The following ADAMTS6 variants were observed in gnomAD, a reference collection of about 807,000 sequenced individuals.
ADAMTS6 encodes the protein A disintegrin and metalloproteinase with thrombospondin motifs 6.
In ADAMTS6, 23 loss-of-function variants were observed where a neutral mutation model predicts 144.3. That is an observed-to-expected ratio of 0.16 (90% CI 0.11 to 0.23). The LOEUF (loss-of-function observed/expected upper bound fraction) is 0.23, where lower values mean the gene tolerates loss of function less well. Ranked by LOEUF, ADAMTS6 falls within the 10% of genes least tolerant of loss-of-function variation. The probability of loss-of-function intolerance (pLI) is 1.00; values close to 1 mark genes in which losing one functional copy is unlikely to be tolerated. For missense variants in ADAMTS6, 999 were observed against 1,379.6 expected, an observed-to-expected ratio of 0.72 and a Z score of 4.37; for synonymous variants, 444 against 457.5, an observed-to-expected ratio of 0.97 and a Z score of 0.38.
chr5:65,438,219 C>G (rs1757597992), intron 7 of ADAMTS6, among the ~76,000 whole-genome samples: 1 of 152,036 alleles, frequency 6.6e-6, no homozygotes, highest in Non-Finnish European at 1.5e-5. Context: ...GAGGCTTCAC[C>G]AATGCTCAGT....
intron 23 of ADAMTS6, among the ~76,000 whole-genome samples, chr5:65,172,218 T>A (rs1753675981): frequency 6.6e-6 from 1 of 150,808 alleles, no homozygotes; most frequent in Non-Finnish European, 1.5e-5. Flanking sequence ...ATCGAGACCA[T>A]CCTGGCTAAG....
At chr5:65,164,211 T>G (rs1752987629) in intron 24 of ADAMTS6, among the ~76,000 whole-genome samples, 1 of 151,680 alleles carries the variant, frequency 6.6e-6, no homozygotes, top group Non-Finnish European at 1.5e-5. Flanking sequence ...AGGCATTGCC[T>G]CACCTGGGAA....
chr5:65,431,735 A>G (rs1454410635), intron 7 of ADAMTS6, among the ~76,000 whole-genome samples: 1 of 152,120 alleles, frequency 6.6e-6, no homozygotes, highest in East Asian at 1.9e-4. Flanking sequence ...AATGAGAAAA[A>G]CTGCAGAAAC....
chr5:65,368,435 C>T (rs1750509399), intron 7 of ADAMTS6, among the ~76,000 whole-genome samples: 1 of 152,188 alleles, frequency 6.6e-6, no homozygotes, highest in African/African-American at 2.4e-5. Flanking sequence ...CCTTCCTCTA[C>T]TAAAGAGACA....
chr5:65,454,429 C>T (rs527313088), intron 4 of ADAMTS6, among the ~76,000 whole-genome samples: 1 of 152,264 alleles, frequency 6.6e-6, no homozygotes, highest in South Asian at 2.1e-4. Context: ...GACATAAACA[C>T]CACTTCTTAT....
intron 15 of ADAMTS6, among the ~76,000 whole-genome samples, chr5:65,237,704 A>G (rs1758789396): frequency 6.6e-6 from 1 of 152,250 alleles, no homozygotes. Context: ...AGATGCAAAT[A>G]TCCACAATAA....
At chr5:65,196,344 A>C (rs1335256473) in intron 21 of ADAMTS6, among the ~76,000 whole-genome samples, 1 of 151,890 alleles carries the variant, frequency 6.6e-6, no homozygotes, top group Admixed American at 6.6e-5. Flanking sequence ...AACACAGTGA[A>C]ACCCCGTCTC....
chr5:65,210,798 C>T, intron 20 of ADAMTS6: 2 of 563,632 alleles, frequency 3.5e-6, no homozygotes, highest in South Asian at 2.0e-5. Flanking sequence ...TCTCTCAACA[C>T]ATAAAGAACA....
intron 7 of ADAMTS6, among the ~76,000 whole-genome samples, chr5:65,447,559 A>G (rs1758362903): frequency 6.6e-6 from 1 of 152,090 alleles, no homozygotes; most frequent in Non-Finnish European, 1.5e-5. Context: ...TTAACTATAT[A>G]TGTACAGTTG....
chr5:65,237,419 G>GAAAATAAAATAAAATAAAATAAAAT (rs59027594), intron 15 of ADAMTS6, among the ~76,000 whole-genome samples: 2 of 139,058 alleles, frequency 1.4e-5, no homozygotes, highest in Admixed American at 7.3e-5. Context: ...AACTCCACAA[G>GAAAATAAAATAAAATAAAATAAAAT]AAAATAAAAT....
At chr5:65,261,159 T>C (rs975765535) in intron 13 of ADAMTS6, among the ~76,000 whole-genome samples, 2 of 152,134 alleles carry the variant, frequency 1.3e-5, no homozygotes, top group African/African-American at 4.8e-5. Context: ...AAGTGAATAA[T>C]GCAAAAACAA....
At chr5:65,304,795 C>T (rs1743771275) in intron 9 of ADAMTS6, among the ~76,000 whole-genome samples, 1 of 151,974 alleles carries the variant, frequency 6.6e-6, no homozygotes, top group Non-Finnish European at 1.5e-5. Flanking sequence ...TTTAGCACTA[C>T]ACCACATAAG....
At chr5:65,276,311 A>G (rs1762536825) in intron 11 of ADAMTS6, among the ~76,000 whole-genome samples, 1 of 152,186 alleles carries the variant, frequency 6.6e-6, no homozygotes. Flanking sequence ...TCTCTTTTAC[A>G]GTAAAATCAC....
chr5:65,335,862 C>A (rs1428242860), intron 7 of ADAMTS6, among the ~76,000 whole-genome samples: 1 of 151,676 alleles, frequency 6.6e-6, no homozygotes, highest in African/African-American at 2.4e-5. Context: ...ACAGACAAAA[C>A]AGTGAATACA....
intron 3 of ADAMTS6, among the ~76,000 whole-genome samples, chr5:65,464,093 T>C (rs1042225122): frequency 5.9e-5 from 9 of 152,252 alleles, no homozygotes; most frequent in African/African-American, 2.2e-4. Flanking sequence ...ACCGTCATTC[T>C]CTGCAACATC....
chr5:65,282,664 G>A (rs1355458329), intron 11 of ADAMTS6, among the ~76,000 whole-genome samples: 1 of 151,952 alleles, frequency 6.6e-6, no homozygotes, highest in African/African-American at 2.4e-5. Context: ...GATGCTATAC[G>A]AGAGTCAGGT....
chr5:65,303,089 G>A (rs1743594705), intron 9 of ADAMTS6, among the ~76,000 whole-genome samples: 2 of 152,124 alleles, frequency 1.3e-5, no homozygotes, highest in South Asian at 4.1e-4. Flanking sequence ...ACTTTTGATG[G>A]TTGATTTTAA....
intron 18 of ADAMTS6, among the ~76,000 whole-genome samples, chr5:65,221,761 A>G (rs896735292): frequency 6.6e-6 from 1 of 152,190 alleles, no homozygotes. Context: ...AATTTACAAA[A>G]CAACTGTTAG....
intron 7 of ADAMTS6, among the ~76,000 whole-genome samples, chr5:65,344,908 T>A (rs1748176074): frequency 6.6e-6 from 1 of 151,892 alleles, no homozygotes; most frequent in Non-Finnish European, 1.5e-5. Flanking sequence ...TTCTTCGGAT[T>A]CTTTTCAATG....
Sources: gnomAD v4.1 joint callset for allele counts (sites outside exome capture counted in the v4.1 genomes callset) on GRCh38, gnomAD v4.1.1 for gene constraint, MANE v1.5 for transcripts, NCBI Gene and HGNC (gene_info 2026-07-23, HGNC 2026-07-21) for gene names.